The following NCKAP5 variants were observed in gnomAD, a reference collection of about 807,000 sequenced individuals.
The protein encoded by NCKAP5 is NCK associated protein 5.
In NCKAP5, 92 loss-of-function variants were observed where a neutral mutation model predicts 167.0. The ratio of observed to expected loss-of-function variants is 0.55; its 90% CI spans 0.47 to 0.66. The LOEUF (loss-of-function observed/expected upper bound fraction) is 0.66, where lower values mean the gene tolerates loss of function less well. Among genes scored for constraint, NCKAP5 ranks in the 30% least tolerant of loss-of-function variants. NCKAP5 has a pLI of 0.00. For missense variants in NCKAP5, 2,378 were observed against 2,315.0 expected, an observed-to-expected ratio of 1.03 and a Z score of -0.56; for synonymous variants, 891 against 877.4, an observed-to-expected ratio of 1.02 and a Z score of -0.27.
Position 133,269,594 on chromosome 2 carries a change from G to A in NCKAP5, c.143+33443C>T, listed in dbSNP as rs557094784. Reference sequence around the variant, plus strand: ...ACCTTGAGAACAGGACACAGTGAAGGGAGAGGTCAATGAGGGTAGGCTTAG... The same window carrying A: ...ACCTTGAGAACAGGACACAGTGAAGAGAGAGGTCAATGAGGGTAGGCTTAG... On this transcript the variant is annotated intron_variant, in intron 4 of 19. Coordinates refer to ENST00000409261, the MANE Select transcript of NCKAP5 (RefSeq NM_207363.3). Among the ~76,000 whole-genome samples, 29 of 152,302 alleles carry A rather than the reference G, an allele frequency of 1.9e-4. 1 individual carries two copies. The South Asian group carries it at 6.0e-3, about 32-fold the overall frequency.
chr2:133,027,745 C>T (rs559059124), intron 6 of NCKAP5, among the ~76,000 whole-genome samples: 1 of 152,246 alleles, frequency 6.6e-6, no homozygotes, highest in Non-Finnish European at 1.5e-5. Flanking sequence ...ATATTATATG[C>T]TAACATACAA....
chr2:133,269,709 GATC>G, intron 4 of NCKAP5, among the ~76,000 whole-genome samples: 2 of 152,290 alleles, frequency 1.3e-5, no homozygotes, highest in South Asian at 4.1e-4. Flanking sequence ...GGAGTGACAT[GATC>G]ATCTGACTTT....
rs139817586 is a variant in NCKAP5 at position 133,560,381 on chromosome 2, A to T, written c.-129-1264T>A. Among the ~76,000 whole-genome samples the T allele has an allele frequency of 4.8e-4, 73 of 152,352 alleles. 1 individual carries two copies. Among genetic ancestry groups the T allele is most frequent in the African/African-American group, 1.7e-3 (72 of 41,568 alleles). On this transcript the variant is annotated intron_variant, in intron 1 of 19. Transcript: ENST00000409261. ...CTGCTTTTGTGAAACATAACAGCCT[A>T]GATGGGGAGATGTTCTTAATCAAAT...
At chr2:132,946,076 G>A (rs545922220) in intron 8 of NCKAP5, among the ~76,000 whole-genome samples, 2 of 152,166 alleles carry the variant, frequency 1.3e-5, no homozygotes, top group African/African-American at 4.8e-5. Context: ...TGGACAGGGA[G>A]GTGGATGTAG....
chr2:132,678,436 C>T (rs1360021504), intron 19 of NCKAP5, among the ~76,000 whole-genome samples: 1 of 152,074 alleles, frequency 6.6e-6, no homozygotes, highest in Admixed American at 6.6e-5. Flanking sequence ...CTCAGCTGGG[C>T]ACTAACATTT....
intron 3 of NCKAP5, among the ~76,000 whole-genome samples, chr2:133,408,559 T>C (rs1335690506): frequency 6.6e-6 from 1 of 152,204 alleles, no homozygotes; most frequent in African/African-American, 2.4e-5. Flanking sequence ...GGCATCATGC[T>C]GGTGACTTGG....
intron 19 of NCKAP5, among the ~76,000 whole-genome samples, chr2:132,707,471 G>T (rs1166068296): frequency 6.6e-6 from 1 of 152,234 alleles, no homozygotes; most frequent in Non-Finnish European, 1.5e-5. Context: ...CTGGGACTGT[G>T]CTAGGCTTGG....
chr2:132,926,371 C>T (rs1055344789), intron 8 of NCKAP5, among the ~76,000 whole-genome samples: 1 of 152,070 alleles, frequency 6.6e-6, no homozygotes, highest in Non-Finnish European at 1.5e-5. Flanking sequence ...GATTTATTTT[C>T]TTTAAGGTAG....
chr2:132,870,935 T>G (rs2148770316), intron 9 of NCKAP5, among the ~76,000 whole-genome samples: 1 of 152,198 alleles, frequency 6.6e-6, no homozygotes, highest in Non-Finnish European at 1.5e-5. Flanking sequence ...ATTGATTAGT[T>G]AAATTATATG....
At chr2:132,797,668 G>C (rs919106323) in intron 11 of NCKAP5, among the ~76,000 whole-genome samples, 2 of 152,172 alleles carry the variant, frequency 1.3e-5, no homozygotes, top group African/African-American at 4.8e-5. Context: ...GAGAGGCCCT[G>C]CTGCACACTG....
intron 3 of NCKAP5, 39 bp downstream of exon 3, chr2:133,517,419 C>A: frequency 8.1e-7 from 1 of 1,232,152 alleles, no homozygotes. Context: ...CATTCAAAGC[C>A]AAAACATATA....
At chr2:132,958,856 T>C (rs1362226161) in intron 8 of NCKAP5, among the ~76,000 whole-genome samples, 3 of 152,022 alleles carry the variant, frequency 2.0e-5, no homozygotes, top group Non-Finnish European at 4.4e-5. Context: ...TTCTCTCTGC[T>C]ACTACCTCAA....
intron 3 of NCKAP5, among the ~76,000 whole-genome samples, chr2:133,463,901 A>G (rs1452301983): frequency 1.3e-5 from 2 of 152,230 alleles, no homozygotes; most frequent in Admixed American, 1.3e-4. Context: ...AGGTTCTTGC[A>G]TCAGATATTA....
chr2:133,147,565 C>G (rs956433880), intron 5 of NCKAP5, among the ~76,000 whole-genome samples: 1 of 151,942 alleles, frequency 6.6e-6, no homozygotes, highest in Non-Finnish European at 1.5e-5. Flanking sequence ...TTATGTGGAC[C>G]CCACCTTACA....
intron 6 of NCKAP5, among the ~76,000 whole-genome samples, chr2:133,015,290 T>G (rs1234012886): frequency 6.6e-6 from 1 of 152,142 alleles, no homozygotes; most frequent in East Asian, 1.9e-4. Context: ...TACTAATCGG[T>G]GAAAGAATTT....
intron 3 of NCKAP5, among the ~76,000 whole-genome samples, chr2:133,343,765 C>T (rs1451516500): frequency 6.6e-6 from 1 of 152,222 alleles, no homozygotes. Flanking sequence ...CCCAAACATA[C>T]AAGTTTAAAT....
chr2:132,949,662 C>T (rs1462636800), intron 8 of NCKAP5, among the ~76,000 whole-genome samples: 2 of 152,202 alleles, frequency 1.3e-5, no homozygotes, highest in African/African-American at 4.8e-5. Flanking sequence ...TCCTAAGCTA[C>T]TGGCTTTGCC....
At chr2:133,268,150 A>C (rs543401380) in intron 4 of NCKAP5, among the ~76,000 whole-genome samples, 79 of 152,348 alleles carry the variant, frequency 5.2e-4, no homozygotes, top group Middle Eastern at 3.4e-3. Context: ...TTACTGTGAA[A>C]ACTGAATAAA....
intron 4 of NCKAP5, among the ~76,000 whole-genome samples, chr2:133,289,257 G>T (rs953911318): frequency 6.6e-6 from 1 of 152,144 alleles, no homozygotes; most frequent in African/African-American, 2.4e-5. Flanking sequence ...GCTATTTAAA[G>T]GAGCTAGGTA....
Sources: gnomAD v4.1 joint callset for allele counts (sites outside exome capture counted in the v4.1 genomes callset) on GRCh38, gnomAD v4.1.1 for gene constraint, MANE v1.5 for transcripts, NCBI Gene and HGNC (gene_info 2026-07-23, HGNC 2026-07-21) for gene names.